Variants in AKAP6 observed in about 807,000 individuals in gnomAD.
The protein encoded by AKAP6 is A-kinase anchor protein 6.
Under a neutral mutation model 188.5 loss-of-function variants are expected in AKAP6, and 58 were observed. That is an observed-to-expected ratio of 0.31 (90% CI 0.25 to 0.38). The LOEUF (loss-of-function observed/expected upper bound fraction) is 0.38, where lower values mean the gene tolerates loss of function less well. Ranked by LOEUF, AKAP6 falls within the 10% of genes least tolerant of loss-of-function variation. The probability of loss-of-function intolerance (pLI) is 1.00; values close to 1 mark genes in which losing one functional copy is unlikely to be tolerated. For synonymous variants in AKAP6, 989 were observed against 998.6 expected (o/e 0.99, Z 0.18); for missense variants, 2,710 against 2,740.0 (o/e 0.99, Z 0.24).
At chr14:32,370,044 A>G (rs1887958767) in intron 1 of AKAP6, among the ~76,000 whole-genome samples, 1 of 152,180 alleles carries the variant, frequency 6.6e-6, no homozygotes, top group South Asian at 2.1e-4. Context: ...AAACAAACAA[A>G]CAAAAAATTA....
chr14:32,607,794 C>CT (rs1210691234), intron 7 of AKAP6, among the ~76,000 whole-genome samples: 1 of 152,138 alleles, frequency 6.6e-6, no homozygotes, highest in Non-Finnish European at 1.5e-5. Flanking sequence ...AGAAATATTT[C>CT]TAAAAGCCAG....
chr14:32,822,442 T>C lies in AKAP6; in HGVS notation c.4629T>C (p.Ser1543=), dbSNP rs200075752. ...SHEMDRISYK[S]GNIEKTFTGM... The stretch of plus-strand genomic sequence containing the variant: ...AAATGGATCGCATTTCATATAAAAG[T>C]GGCAATATAGAAAAGACATTCACTG... Residue 1543 remains serine (S), a synonymous_variant, in exon 13 of 14, where the codon AGT becomes AGC. Coordinates refer to ENST00000280979, the MANE Select transcript of AKAP6 (RefSeq NM_004274.5). The C allele has an allele frequency of 6.2e-7, 1 of 1,614,006 alleles. No individual in the cohort carries two copies. The highest frequency in any genetic ancestry group is 8.5e-7 in the Non-Finnish European group (1 of 1,179,944).
chr14:32,425,336 C>T lies in AKAP6; in HGVS notation c.-34-8124C>T, dbSNP rs559126266. On this transcript the variant is annotated intron_variant, in intron 1 of 13. Coordinates refer to ENST00000280979, the MANE Select transcript of AKAP6 (RefSeq NM_004274.5). ...CATTGGCTGGATGCGGTGGCTTGTGCCTATAATTCCAGCACTTTGGGAAGT... is the reference window on the plus strand; with the variant it reads ...CATTGGCTGGATGCGGTGGCTTGTGTCTATAATTCCAGCACTTTGGGAAGT... Among the ~76,000 whole-genome samples, 290 of 152,084 alleles carry T rather than the reference C, an allele frequency of 1.9e-3. 1 individual carries two copies. The highest frequency in any genetic ancestry group is 6.8e-3 in the African/African-American group (280 of 41,474).
At chr14:32,730,573 G>A (rs1487386756) in intron 9 of AKAP6, among the ~76,000 whole-genome samples, 2 of 152,234 alleles carry the variant, frequency 1.3e-5, no homozygotes, top group South Asian at 4.2e-4. Context: ...GGGGGGATGA[G>A]CTTGTCACAA....
intron 4 of AKAP6, among the ~76,000 whole-genome samples, chr14:32,569,819 G>A (rs1366190082): frequency 6.6e-6 from 1 of 152,144 alleles, no homozygotes; most frequent in Non-Finnish European, 1.5e-5. Flanking sequence ...AGAGGATCAT[G>A]ATGTCCTTTA....
At chr14:32,477,219 T>C (rs1815155777) in intron 2 of AKAP6, among the ~76,000 whole-genome samples, 1 of 152,206 alleles carries the variant, frequency 6.6e-6, no homozygotes, top group South Asian at 2.1e-4. Flanking sequence ...ATTAAGATGT[T>C]ATCTTTAATT....
intron 1 of AKAP6, among the ~76,000 whole-genome samples, chr14:32,430,280 T>C (rs2138696163): frequency 6.6e-6 from 1 of 152,304 alleles, no homozygotes; most frequent in East Asian, 1.9e-4. Context: ...TAGTTCCGTT[T>C]TGTCATTTTA....
At chr14:32,468,821 G>GC (rs1186874615) in intron 2 of AKAP6, among the ~76,000 whole-genome samples, 2 of 151,978 alleles carry the variant, frequency 1.3e-5, no homozygotes, top group African/African-American at 4.8e-5. Context: ...AATTGGACTT[G>GC]CCCCCCTTTG....
chr14:32,693,165 G>A (rs1459585572), intron 8 of AKAP6, among the ~76,000 whole-genome samples: 1 of 152,118 alleles, frequency 6.6e-6, no homozygotes, highest in African/African-American at 2.4e-5. Context: ...TCTTGTCAAG[G>A]ATATTATGAG....
intron 11 of AKAP6, among the ~76,000 whole-genome samples, chr14:32,758,626 G>C (rs2032428850): frequency 6.6e-6 from 1 of 152,010 alleles, no homozygotes; most frequent in South Asian, 2.1e-4. Context: ...CCAGCTGCTT[G>C]GGAGGCTGAG....
chr14:32,463,170 C>T (rs921169823), intron 2 of AKAP6, among the ~76,000 whole-genome samples: 7 of 152,058 alleles, frequency 4.6e-5, no homozygotes, highest in Non-Finnish European at 1.0e-4. Flanking sequence ...TAACACCTCA[C>T]TGTCGATATT....
At chr14:32,789,714 G>A (rs890367950) in intron 12 of AKAP6, among the ~76,000 whole-genome samples, 1 of 152,262 alleles carries the variant, frequency 6.6e-6, no homozygotes, top group Middle Eastern at 3.4e-3. Flanking sequence ...CAAAAACCCC[G>A]TTCAAGTTAG....
At chr14:32,401,083 A>G (rs894267592) in intron 1 of AKAP6, among the ~76,000 whole-genome samples, 1 of 152,182 alleles carries the variant, frequency 6.6e-6, no homozygotes, top group Non-Finnish European at 1.5e-5. Flanking sequence ...ATGTAAGGAC[A>G]TGATGCCTAG....
intron 4 of AKAP6, among the ~76,000 whole-genome samples, chr14:32,549,031 A>T (rs1261176167): frequency 2.0e-5 from 3 of 152,360 alleles, no homozygotes; most frequent in Admixed American, 2.0e-4. Context: ...ATGCAGGTTT[A>T]TAAACAAAGA....
chr14:32,732,873 A>T (rs17099489), intron 10 of AKAP6: 34,386 of 594,954 alleles, frequency 0.058, 3,463 homozygotes, highest in East Asian at 0.39. Context: ...TATTATGGGT[A>T]TGCACCAAGT....
chr14:32,482,987 GTGTATATATA>G (rs1237181200), intron 2 of AKAP6, among the ~76,000 whole-genome samples: 2 of 75,478 alleles, frequency 2.6e-5, no homozygotes, highest in Non-Finnish European at 2.3e-5. Flanking sequence ...GTGTGTGTGT[GTGTATATATA>G]TATATATATA....
intron 3 of AKAP6, among the ~76,000 whole-genome samples, chr14:32,538,658 ATGT>A (rs1404773225): frequency 1.3e-5 from 2 of 152,172 alleles, no homozygotes; most frequent in African/African-American, 4.8e-5. Flanking sequence ...TTTAAAAAAT[ATGT>A]TGTTCTGCAA....
At chr14:32,532,887 T>G (rs146465149) in intron 2 of AKAP6, among the ~76,000 whole-genome samples, 1 of 152,160 alleles carries the variant, frequency 6.6e-6, no homozygotes, top group African/African-American at 2.4e-5. Flanking sequence ...GAGGGTAGTA[T>G]TTGAGGAAAG....
intron 1 of AKAP6, among the ~76,000 whole-genome samples, chr14:32,358,531 G>A (rs1360097718): frequency 6.6e-6 from 1 of 152,054 alleles, no homozygotes; most frequent in Non-Finnish European, 1.5e-5. Context: ...TGGGTGGGGG[G>A]GTTAGGTATG....
Sources: allele counts gnomAD v4.1 joint callset (sites outside exome capture counted in the v4.1 genomes callset), GRCh38; gene constraint gnomAD v4.1.1; transcripts MANE v1.5; gene names NCBI Gene and HGNC (gene_info 2026-07-23, HGNC 2026-07-21).